Variants in PTPN21 observed in about 807,000 individuals in gnomAD.
PTPN21 encodes protein tyrosine phosphatase non-receptor type 21.
PTPN21 carries 77 observed loss-of-function variants against 131.8 expected under a neutral mutation model. That is an observed-to-expected ratio of 0.58 (90% confidence interval 0.49 to 0.71). The LOEUF (loss-of-function observed/expected upper bound fraction) is 0.71, where lower values mean the gene tolerates loss of function less well. PTPN21 is among the 30% of genes least tolerant of loss of function. The probability of loss-of-function intolerance (pLI) is 0.00; values close to 1 mark genes in which losing one functional copy is unlikely to be tolerated. For missense variants in PTPN21, 1,552 were observed against 1,527.1 expected (o/e 1.02, Z -0.27); for synonymous variants, 715 against 621.3 (o/e 1.15, Z -2.24).
rs140596899 is a variant in PTPN21 at position 88,479,075 on chromosome 14, G to C, written c.2356C>G (p.Pro786Ala). ...PVRTTAEAQR[P>A]WRDGLLMPSM... ...GGCATCAGCAGCCCGTCTCTCCAGG[G>C]CCGCTGGGCCTCTGCGGTCGTGCGG... is the stretch of plus-strand genomic sequence containing the variant. The change falls in exon 13 of 19, where the codon CCC becomes GCC. Residue 786 changes from proline to alanine, a missense_variant. Pro to Ala is a conservative substitution (Grantham distance 27). Coordinates refer to ENST00000556564, the MANE Select transcript of PTPN21 (RefSeq NM_007039.4). 2.3e-4 allele frequency: 374 copies of C among 1,597,622 alleles called. 1 individual carries two copies. In the African/African-American group the frequency reaches 4.5e-3, roughly 19 times the overall value.
At chr14:88,468,785 A>T in intron 18 of PTPN21, 131 bp downstream of exon 18, 2 of 1,072,350 alleles carry the variant, frequency 1.9e-6, no homozygotes, top group Non-Finnish European at 2.8e-6. Context: ...TTTGCAGGGA[A>T]CATTAGTAAC....
At chr14:88,523,313 A>G (rs548285813) in intron 2 of PTPN21, among the ~76,000 whole-genome samples, 13 of 152,184 alleles carry the variant, frequency 8.5e-5, no homozygotes, top group Non-Finnish European at 1.9e-4. Context: ...TCATTATACC[A>G]TATTACTAAG....
In PTPN21 at chr14:88,554,679, G is replaced by C. The variant is rs1344081442; in HGVS notation, c.-231C>G. On this transcript the variant is annotated 5_prime_UTR_variant, in exon 1 of 19. Transcript: ENST00000556564. The stretch of plus-strand genomic sequence containing the variant: ...CTCCCGCTCCCGCTCCCGCATCCTC[G>C]GGGCCGCGCGCCCCGCTCAGCGACC... 1 of 148,414 alleles carries C rather than the reference G, an allele frequency of 6.7e-6. No homozygotes were observed. Among genetic ancestry groups the C allele is most frequent in the East Asian group, 2.0e-4 (1 of 5,090 alleles). 9.2% of individuals were successfully genotyped at this position (148,414 alleles called of 1,614,324 possible). A position where few individuals can be genotyped will look rare whatever the true frequency, so the allele number is the denominator to read the frequency against.
At chr14:88,470,185 A>T in intron 15 of PTPN21, 135 bp from the exon 16 acceptor site, 1 of 749,604 alleles carries the variant, frequency 1.3e-6, no homozygotes, top group Middle Eastern at 3.8e-4. Context: ...TGGATTATTC[A>T]GCAGAATAAG....
intron 2 of PTPN21, among the ~76,000 whole-genome samples, chr14:88,546,352 G>T (rs920446235): frequency 6.6e-6 from 1 of 150,804 alleles, no homozygotes; most frequent in Admixed American, 6.6e-5. Flanking sequence ...GAGGTCAGGA[G>T]TTCAAGACCA....
Position 88,480,130 on chromosome 14 carries a change from G to A in PTPN21, c.1301C>T (p.Ser434Phe). The change falls in exon 13 of 19, where the codon TCC (serine) becomes TTC (phenylalanine). Residue 434 changes from serine to phenylalanine, a missense_variant. Coordinates refer to ENST00000556564, the MANE Select transcript of PTPN21 (RefSeq NM_007039.4). ...SDVMRPDYLPSHRHSAVIPPS... is the reference protein window; with the variant it reads ...SDVMRPDYLPFHRHSAVIPPS... Reference sequence around the variant, plus strand: ...GGGTATCACGGCGCTGTGCCGATGGGACGGGAGGTAGTCAGGCCTCATGAC... The same window carrying A: ...GGGTATCACGGCGCTGTGCCGATGGAACGGGAGGTAGTCAGGCCTCATGAC... 2 of 1,614,194 alleles carry A rather than the reference G, an allele frequency of 1.2e-6. No individual in the cohort carries two copies. Among genetic ancestry groups the A allele is most frequent in the East Asian group, 2.2e-5 (1 of 44,882 alleles).
rs1317936831 is a variant in PTPN21, at chr14:88,479,760, G to C, written c.1671C>G (p.Ile557Met). Residue 557 changes from isoleucine to methionine, a missense_variant, in exon 13 of 19, where the codon ATC becomes ATG. Physicochemically the swap from Ile to Met is conservative, Grantham distance 10. This residue lies in a region of PTPN21 where 1,016 missense variants were observed against 883.5 expected (regional missense o/e 1.15). Coordinates refer to ENST00000556564, the MANE Select transcript of PTPN21 (RefSeq NM_007039.4). ...GTGGCCGGTACACCTGCGTCCGCATGATGTTGGGAGACGGGTAGTCCTGCG... is the reference window on the plus strand; with the variant it reads ...GTGGCCGGTACACCTGCGTCCGCATCATGTTGGGAGACGGGTAGTCCTGCG... ...LQAQDYPSPN[I>M]MRTQVYRPPP... 1.3e-6 allele frequency: 2 copies of C among 1,544,672 alleles called. No individual in the cohort carries two copies. The highest frequency in any genetic ancestry group is 2.2e-5 in the East Asian group (1 of 44,450).
chr14:88,541,460 A>G (rs2078704555), intron 2 of PTPN21, among the ~76,000 whole-genome samples: 1 of 152,256 alleles, frequency 6.6e-6, no homozygotes, highest in African/African-American at 2.4e-5. Flanking sequence ...GAAGAATGAT[A>G]CAGAGGGCTC....
intron 2 of PTPN21, among the ~76,000 whole-genome samples, chr14:88,528,379 T>C (rs1337030699): frequency 2.0e-5 from 3 of 152,236 alleles, no homozygotes; most frequent in Non-Finnish European, 4.4e-5. Context: ...TGGCTGGGTA[T>C]ATTCCTAAGT....
At chr14:88,551,419 A>G (rs1218775446) in intron 1 of PTPN21, 2 of 152,322 alleles carry the variant, frequency 1.3e-5, no homozygotes, top group South Asian at 4.1e-4. Context: ...GGGGCCTTGG[A>G]GCACTCAGGC....
chr14:88,495,137 G>GA (rs1483475042), intron 10 of PTPN21, among the ~76,000 whole-genome samples: 5 of 151,294 alleles, frequency 3.3e-5, no homozygotes, highest in African/African-American at 7.3e-5. Flanking sequence ...ACAGAAACAG[G>GA]AAAGTCAGAA....
rs2297129 is a variant in PTPN21 at position 88,469,581 on chromosome 14, A to G, written c.3153T>C (p.Thr1051=). The change falls in exon 17 of 19, where the codon ACT becomes ACC. Residue 1051 remains threonine, a synonymous_variant. Transcript: ENST00000556564. This position sits in a 1 kb window ranked among gnomAD's most constrained non-coding sequence, Gnocchi z 4.3. The part of the protein sequence containing the change: ...TTGLKMKHLL[T]GQERTVWHLQ... Reference sequence around the variant, plus strand: ...GGTGCCAGACGGTCCTCTCTTGCCCAGTAAGGAGGTGCTTCATCTTCAGGC... The same window carrying G: ...GGTGCCAGACGGTCCTCTCTTGCCCGGTAAGGAGGTGCTTCATCTTCAGGC... 0.34 allele frequency: 551,229 copies of G among 1,613,620 alleles called. 96,550 individuals carry two copies. Among genetic ancestry groups the G allele is most frequent in the African/African-American group, 0.5 (37,584 of 74,878 alleles).
In PTPN21 at chr14:88,517,199, T is replaced by C. The variant is rs781563555; in HGVS notation, c.243A>G (p.Glu81=). 6.2e-7 allele frequency: 1 copy of C among 1,614,000 alleles called. No homozygotes were observed. The highest frequency in any genetic ancestry group is 1.3e-5 in the African/African-American group (1 of 74,914). Residue 81 remains glutamate (E), a synonymous_variant, in exon 3 of 19, where the codon GAA becomes GAG. Coordinates refer to ENST00000556564, the MANE Select transcript of PTPN21 (RefSeq NM_007039.4). ...KQNQRRWVDL[E]KPLKKQLDKY... ...TATCCAGCTGCTTCTTCAAAGGTTT[T>C]TCCAAATCTACCCACCGGCGCTGAT...
intron 13 of PTPN21, among the ~76,000 whole-genome samples, chr14:88,475,937 G>T (rs2077541944): frequency 6.6e-6 from 1 of 152,164 alleles, no homozygotes; most frequent in East Asian, 1.9e-4. Context: ...GCCTTAATTA[G>T]CCCTTAGAAT....
rs146655875 is a variant in PTPN21 at position 88,534,755 on chromosome 14, T to C, written c.180+15483A>G. 9.3e-3 allele frequency among the ~76,000 whole-genome samples: 1,417 copies of C among 152,196 alleles called. 22 individuals carry two copies. The highest frequency in any genetic ancestry group is 0.033 in the African/African-American group (1,352 of 41,528). The stretch of plus-strand genomic sequence containing the variant: ...CAGGTGTGGTGGTGCACGCCTATAA[T>C]TCCAGCTACTTGGGAGGCTGAGGCT... On this transcript the variant is annotated intron_variant, in intron 2 of 18. Coordinates refer to ENST00000556564, the MANE Select transcript of PTPN21 (RefSeq NM_007039.4).
intron 1 of PTPN21, among the ~76,000 whole-genome samples, chr14:88,553,401 A>C (rs1464050876): frequency 6.6e-6 from 1 of 152,168 alleles, no homozygotes; most frequent in Admixed American, 6.5e-5. Flanking sequence ...CTTAATTTTC[A>C]GTAATATGCA....
chr14:88,546,196 G>A (rs1039126659), intron 2 of PTPN21, among the ~76,000 whole-genome samples: 1 of 151,240 alleles, frequency 6.6e-6, no homozygotes, highest in Non-Finnish European at 1.5e-5. Context: ...TATACCCAGT[G>A]TAAGAAACAC....
Position 88,473,650 on chromosome 14 carries a change from G to A in PTPN21, c.2649+15C>T. The A allele has an allele frequency of 6.2e-7, 1 of 1,601,474 alleles. No individual in the cohort carries two copies. Among genetic ancestry groups the A allele is most frequent in the South Asian group, 1.1e-5 (1 of 87,684 alleles). ...TTCCAGAGAAGGCACAAAGCCCTGT[G>A]TGTCCCATACATACCCTTTCATCAT... is the stretch of plus-strand genomic sequence containing the variant. On this transcript the variant is annotated intron_variant, in intron 14 of 18. Transcript: ENST00000556564.
chr14:88,504,450 C>CT lies in PTPN21; in HGVS notation c.561dup (p.Val188SerfsTer15). 1 of 1,612,570 alleles carries CT rather than the reference C, an allele frequency of 6.2e-7. No homozygotes were observed. Among genetic ancestry groups the CT allele is most frequent in the East Asian group, 2.2e-5 (1 of 44,816 alleles). ...CTGTATTTCTGATGTAGTAAGGCCA[C>CT]TTTTTGGGTTGCTTCTTCCAATACT... On this transcript the variant is annotated frameshift_variant, in exon 6 of 19. Coordinates refer to ENST00000556564, the MANE Select transcript of PTPN21 (RefSeq NM_007039.4). LOFTEE classifies it high-confidence loss of function.
Sources: gnomAD v4.1 joint callset for allele counts (sites outside exome capture counted in the v4.1 genomes callset) on GRCh38, gnomAD v4.1.1 for gene constraint, gnomAD v4.1.1 regional missense constraint, Gnocchi (gnomAD v3.1) non-coding constraint, MANE v1.5 for transcripts, NCBI Gene and HGNC (gene_info 2026-07-23, HGNC 2026-07-21) for gene names.